The following TMEM163 variants were observed in gnomAD, a reference collection of about 807,000 sequenced individuals.
The protein encoded by TMEM163 is transmembrane protein 163.
Under a neutral mutation model 29.3 loss-of-function variants are expected in TMEM163, and 17 were observed. The ratio of observed to expected loss-of-function variants is 0.58; its 90% CI spans 0.40 to 0.87. The LOEUF (loss-of-function observed/expected upper bound fraction) is 0.87. TMEM163 is among the 40% of genes least tolerant of loss of function. The pLI, the probability that TMEM163 is intolerant of heterozygous loss-of-function variation, is 0.00. For synonymous variants in TMEM163, 157 were observed against 160.6 expected, an observed-to-expected ratio of 0.98 and a Z score of 0.17; for missense variants, 303 against 381.5, an observed-to-expected ratio of 0.79 and a Z score of 1.71.
intron 4 of TMEM163, among the ~76,000 whole-genome samples, chr2:134,519,121 T>G (rs1680138594): frequency 6.6e-6 from 1 of 152,186 alleles, no homozygotes. Flanking sequence ...GGCAGAAGTG[T>G]TGTAGTAGCC....
chr2:134,483,596 A>T (rs964145157), intron 5 of TMEM163, among the ~76,000 whole-genome samples: 1 of 152,178 alleles, frequency 6.6e-6, no homozygotes, highest in Admixed American at 6.5e-5. Flanking sequence ...AACTGTCACA[A>T]GACCCCTGCG....
chr2:134,541,559 A>G (rs1680668584), intron 4 of TMEM163, among the ~76,000 whole-genome samples: 1 of 152,250 alleles, frequency 6.6e-6, no homozygotes, highest in Non-Finnish European at 1.5e-5. Flanking sequence ...GGCATTGGAA[A>G]TAACCCATGT....
At position 134,577,472 on chromosome 2, in the gene TMEM163, G is replaced by A. The variant is rs569439009; in HGVS notation, c.323-25381C>T. On this transcript the variant is annotated intron_variant, in intron 2 of 7. Coordinates refer to ENST00000281924, the MANE Select transcript of TMEM163 (RefSeq NM_030923.5). ...CACAAGGGTCAGAAGCCAGTTCCTC[G>A]CTGAGGGCTGCAGTGAGAGGAGGAG... Among the ~76,000 whole-genome samples, 6 of 152,300 alleles carry A rather than the reference G, an allele frequency of 3.9e-5. No individual in the cohort carries two copies. In the South Asian group the frequency reaches 1.0e-3, roughly 26 times the overall value.
chr2:134,505,899 T>C (rs1303187252), intron 4 of TMEM163, among the ~76,000 whole-genome samples: 1 of 152,144 alleles, frequency 6.6e-6, no homozygotes, highest in African/African-American at 2.4e-5. Context: ...AAAAACTACA[T>C]AGCATGTAGC....
chr2:134,490,912 T>C (rs1477380676), intron 5 of TMEM163, among the ~76,000 whole-genome samples: 3 of 152,092 alleles, frequency 2.0e-5, no homozygotes, highest in Non-Finnish European at 4.4e-5. Context: ...AGCTAGACAA[T>C]CAACAAAACA....
chr2:134,528,012 G>A (rs1030913395), intron 4 of TMEM163, among the ~76,000 whole-genome samples: 4 of 152,126 alleles, frequency 2.6e-5, no homozygotes, highest in Non-Finnish European at 4.4e-5. Context: ...TGTCAACTGG[G>A]CAAGGAACAG....
intron 4 of TMEM163, among the ~76,000 whole-genome samples, chr2:134,532,759 C>T (rs1680442674): frequency 6.6e-6 from 1 of 152,152 alleles, no homozygotes. Context: ...ATACTGCTGG[C>T]TTCATGTGCA....
At chr2:134,688,524 A>C (rs373410336) in intron 2 of TMEM163, among the ~76,000 whole-genome samples, 2 of 152,176 alleles carry the variant, frequency 1.3e-5, no homozygotes, top group South Asian at 2.1e-4. Context: ...TAATCTTCAA[A>C]ATATTCCTAA....
intron 6 of TMEM163, 128 bp from the exon 7 acceptor site, chr2:134,458,301 G>A (rs1686448341): frequency 8.8e-7 from 1 of 1,136,278 alleles, no homozygotes. Flanking sequence ...GCTCTCACGA[G>A]TGATAGCCAC....
chr2:134,557,398 A>G (rs1373509506), intron 2 of TMEM163, among the ~76,000 whole-genome samples: 1 of 152,214 alleles, frequency 6.6e-6, no homozygotes, highest in African/African-American at 2.4e-5. Context: ...GTATTTTACC[A>G]ATGTTAAAGA....
chr2:134,680,715 G>A (rs1684211580), intron 2 of TMEM163, among the ~76,000 whole-genome samples: 1 of 152,166 alleles, frequency 6.6e-6, no homozygotes, highest in Non-Finnish European at 1.5e-5. Context: ...CCTGCTCAGA[G>A]TCTCAGAAAG....
At chr2:134,469,454 AAC>A (rs1369499691) in intron 5 of TMEM163, 3 of 152,172 alleles carry the variant, frequency 2.0e-5, no homozygotes, top group African/African-American at 4.8e-5. Flanking sequence ...GGAAAAAAAT[AAC>A]AGACTCCCTC....
intron 2 of TMEM163, among the ~76,000 whole-genome samples, chr2:134,582,789 G>A (rs1463521819): frequency 2.0e-5 from 3 of 152,162 alleles, no homozygotes; most frequent in African/African-American, 7.2e-5. Context: ...GGAAGAGGAA[G>A]TGGTGATATC....
At chr2:134,506,284 C>T (rs566622886) in intron 4 of TMEM163, among the ~76,000 whole-genome samples, 42 of 152,266 alleles carry the variant, frequency 2.8e-4, no homozygotes, top group African/African-American at 8.4e-4. Context: ...CTGCTGGGAG[C>T]CTGTATGTCA....
intron 2 of TMEM163, among the ~76,000 whole-genome samples, chr2:134,624,951 CT>C (rs1202737933): frequency 6.6e-6 from 1 of 151,958 alleles, no homozygotes; most frequent in Non-Finnish European, 1.5e-5. Context: ...AAAAATTTAT[CT>C]TCAAAATGTC....
intron 7 of TMEM163, among the ~76,000 whole-genome samples, chr2:134,457,402 CCTCA>C (rs1574144666): frequency 6.6e-6 from 1 of 152,212 alleles, no homozygotes; most frequent in Non-Finnish European, 1.5e-5. Context: ...TTCGCCACGT[CCTCA>C]CTGACGCTGG....
chr2:134,468,785 C>T lies in TMEM163; in HGVS notation c.556-2560G>A, dbSNP rs554498968. On this transcript the variant is annotated intron_variant, in intron 5 of 7. Transcript: ENST00000281924. ...ACCCTGAGATGCAGCTCAAGAAACG[C>T]CACCCATGGCTTTGGTGGCCCTTCC... The T allele has an allele frequency of 2.0e-5, 3 of 152,396 alleles. No individual in the cohort carries two copies. The South Asian group carries it at 6.2e-4, about 32-fold the overall frequency. 9.4% of individuals were successfully genotyped at this position (152,396 alleles called of 1,614,324 possible). A position where few individuals can be genotyped will look rare whatever the true frequency, so the allele number is the denominator to read the frequency against.
intron 2 of TMEM163, among the ~76,000 whole-genome samples, chr2:134,625,508 C>CCTT (rs1167193051): frequency 2.0e-5 from 3 of 152,172 alleles, no homozygotes; most frequent in African/African-American, 7.2e-5. Flanking sequence ...GAGTCAGAGT[C>CCTT]CGGAAGCACA....
intron 2 of TMEM163, among the ~76,000 whole-genome samples, chr2:134,690,781 C>T (rs924455123): frequency 2.0e-5 from 3 of 152,198 alleles, no homozygotes; most frequent in Admixed American, 2.0e-4. Context: ...CTAATTAGAC[C>T]TTGTATAATC....
Sources: allele counts gnomAD v4.1 joint callset (sites outside exome capture counted in the v4.1 genomes callset), GRCh38; gene constraint gnomAD v4.1.1; transcripts MANE v1.5; gene names NCBI Gene and HGNC (gene_info 2026-07-23, HGNC 2026-07-21).